The following CAT variants were observed in gnomAD, a reference collection of about 807,000 sequenced individuals.
CAT encodes the protein epididymis secretory sperm binding protein.
Under a neutral mutation model 59.0 loss-of-function variants are expected in CAT, and 43 were observed. That is an observed-to-expected ratio of 0.73 (90% CI 0.57 to 0.94). The LOEUF (loss-of-function observed/expected upper bound fraction) is 0.94. CAT is among the 40% of genes least tolerant of loss of function. The pLI is 0.00. For synonymous variants in CAT, 218 were observed against 230.9 expected (o/e 0.94, Z 0.51); for missense variants, 664 against 682.9 (o/e 0.97, Z 0.31).
chr11:34,463,081 C>A (rs1016434916), intron 9 of CAT, among the ~76,000 whole-genome samples: 36 of 152,142 alleles, frequency 2.4e-4, no homozygotes, highest in African/African-American at 8.0e-4. Flanking sequence ...TGTGGATAAT[C>A]TATTACGGCA....
chr11:34,449,052 C>A (rs1381857349), intron 1 of CAT, 140 bp from the exon 2 acceptor site: 1 of 744,102 alleles, frequency 1.3e-6, no homozygotes, highest in Non-Finnish European at 2.3e-6. Flanking sequence ...CCCATCCTGT[C>A]AGATTTTAGT....
chr11:34,444,200 A>AC, intron 1 of CAT, among the ~76,000 whole-genome samples: 1 of 152,136 alleles, frequency 6.6e-6, no homozygotes, highest in South Asian at 2.1e-4. Context: ...TACCCCTCAG[A>AC]CCCAGGGCTT....
rs1298808237 is a variant in CAT, at chr11:34,453,903, G to A, written c.688G>A (p.Val230Ile). ...GCTGGTTAATGCAAATGGGGAGGCA[G>A]TTTATTGCAAATTCCATTATAAGGT... ...FKLVNANGEA[V>I]YCKFHYKTDQ... Residue 230 changes from valine to isoleucine, a missense_variant, in exon 6 of 13, where the codon GTT becomes ATT. Physicochemically the swap from Val to Ile is conservative, Grantham distance 29. Transcript: ENST00000241052. 2.5e-6 allele frequency: 4 copies of A among 1,613,996 alleles called. No individual in the cohort carries two copies. The highest frequency in any genetic ancestry group is 3.4e-6 in the Non-Finnish European group (4 of 1,179,860).
intron 10 of CAT, among the ~76,000 whole-genome samples, chr11:34,467,366 T>C (rs1044308997): frequency 6.6e-6 from 1 of 152,192 alleles, no homozygotes; most frequent in Admixed American, 6.5e-5. Context: ...GTACTTTGAT[T>C]AGATTGTGTT....
chr11:34,451,981 TA>T (rs1253752607), intron 3 of CAT, 95 bp from the exon 4 acceptor site: 24 of 1,330,690 alleles, frequency 1.8e-5, no homozygotes, highest in Non-Finnish European at 2.6e-5. Flanking sequence ...GGAAGTGGAT[TA>T]GAAAGGATGG....
Position 34,456,752 on chromosome 11 carries a change from C to G in CAT, c.991C>G (p.Gln331Glu). 6.2e-7 allele frequency: 1 copy of G among 1,614,130 alleles called. No homozygotes were observed. Among genetic ancestry groups the G allele is most frequent in the South Asian group, 1.1e-5 (1 of 91,086 alleles). Residue 331 changes from glutamine to glutamate, a missense_variant, in exon 8 of 13, where the codon CAG becomes GAG. Coordinates refer to ENST00000241052, the MANE Select transcript of CAT (RefSeq NM_001752.4). ...NPVNYFAEVE[Q>E]IAFDPSNMPP... ...AGTTAATTACTTTGCTGAGGTTGAACAGATAGCCTTCGACCCAAGCAACAT... is the reference window on the plus strand; with the variant it reads ...AGTTAATTACTTTGCTGAGGTTGAAGAGATAGCCTTCGACCCAAGCAACAT...
At chr11:34,464,076 A>C in intron 9 of CAT, 29 bp from the exon 10 acceptor site, 2 of 1,613,600 alleles carry the variant, frequency 1.2e-6, no homozygotes, top group African/African-American at 1.3e-5. Flanking sequence ...TCTTATTCCT[A>C]AGTGCATCTG....
At chr11:34,455,317 AG>A (rs372191003) in intron 6 of CAT, among the ~76,000 whole-genome samples, 36 of 152,270 alleles carry the variant, frequency 2.4e-4, no homozygotes, top group African/African-American at 7.9e-4. Flanking sequence ...GCTTGTTGGG[AG>A]GTCTTTGAGA....
intron 8 of CAT, among the ~76,000 whole-genome samples, chr11:34,457,410 T>A (rs995964397): frequency 6.6e-6 from 1 of 152,012 alleles, no homozygotes; most frequent in Non-Finnish European, 1.5e-5. Flanking sequence ...TTTCACCCTG[T>A]TGGCCAGGCT....
chr11:34,470,107 A>C (rs968966073), intron 11 of CAT, among the ~76,000 whole-genome samples: 5 of 152,152 alleles, frequency 3.3e-5, no homozygotes, highest in African/African-American at 1.2e-4. Flanking sequence ...GTCATTTCCC[A>C]CTTTAGATAA....
chr11:34,460,514 T>C (rs1303857592), intron 8 of CAT, among the ~76,000 whole-genome samples: 4 of 149,538 alleles, frequency 2.7e-5, no homozygotes, highest in South Asian at 2.1e-4. Context: ...AGTGACACGA[T>C]TGCAGCTCAC....
rs964276907 is a variant in CAT, at chr11:34,438,979, C to T, written c.-35C>T. 7.7e-6 allele frequency: 12 copies of T among 1,553,162 alleles called. No individual in the cohort carries two copies. The highest frequency in any genetic ancestry group is 1.0e-5 in the Non-Finnish European group (12 of 1,144,478). ...GAGGGTGGAGACCCACGAGCCGAGG[C>T]CTCCTGCAGTGTTCTGCACAGCAAA... On this transcript the variant is annotated 5_prime_UTR_variant, in exon 1 of 13. Coordinates refer to ENST00000241052, the MANE Select transcript of CAT (RefSeq NM_001752.4).
intron 11 of CAT, 41 bp from the exon 12 acceptor site, chr11:34,470,917 G>C: frequency 6.8e-7 from 1 of 1,479,866 alleles, no homozygotes; most frequent in South Asian, 1.1e-5. Flanking sequence ...ATATAGTAGG[G>C]AGTTAGAGTA....
Position 34,461,311 on chromosome 11 carries a change from A to G in CAT, c.1117A>G (p.Ile373Val). 6.2e-7 allele frequency: 1 copy of G among 1,614,012 alleles called. No homozygotes were observed. Among genetic ancestry groups the G allele is most frequent in the South Asian group, 1.1e-5 (1 of 91,088 alleles). The change falls in exon 9 of 13, where the codon ATA becomes GTA. Residue 373 changes from isoleucine to valine, a missense_variant. By Grantham distance (29) the Ile-to-Val change is conservative. Transcript: ENST00000241052. ...TCGCCTGGGACCCAATTATCTTCATATACCTGTGAACTGTCCCTACCGTGC... is the reference window on the plus strand; with the variant it reads ...TCGCCTGGGACCCAATTATCTTCATGTACCTGTGAACTGTCCCTACCGTGC... ...RHRLGPNYLH[I>V]PVNCPYRARV...
At chr11:34,462,669 T>C (rs1396698985) in intron 9 of CAT, among the ~76,000 whole-genome samples, 4 of 152,114 alleles carry the variant, frequency 2.6e-5, no homozygotes, top group African/African-American at 4.8e-5. Flanking sequence ...CCACCCACTT[T>C]GGCCCCCCAA....
intron 1 of CAT, among the ~76,000 whole-genome samples, chr11:34,447,851 A>G (rs1856476858): frequency 6.6e-6 from 1 of 152,228 alleles, no homozygotes; most frequent in Admixed American, 6.5e-5. Flanking sequence ...AGACTCATAA[A>G]TAAGTAACTT....
Position 34,464,895 on chromosome 11 carries a change from AT to A in CAT, c.1326+662del, listed in dbSNP as rs551056891. Among the ~76,000 whole-genome samples the A allele has an allele frequency of 2.5e-3, 376 of 151,294 alleles. 3 individuals carry two copies. The highest frequency in any genetic ancestry group is 4.3e-3 in the Non-Finnish European group (292 of 67,874). On this transcript the variant is annotated intron_variant, in intron 10 of 12. Coordinates refer to ENST00000241052, the MANE Select transcript of CAT (RefSeq NM_001752.4). ...CTTCTCTCAACATGTCTATCTCTAG[AT>A]TCTAGAGAGATGGAATCCTATTGAC...
chr11:34,455,300 G>T (rs1856576488), intron 6 of CAT, among the ~76,000 whole-genome samples: 1 of 152,102 alleles, frequency 6.6e-6, no homozygotes, highest in East Asian at 1.9e-4. Flanking sequence ...TCTTTCTGCG[G>T]CACTTGGCTT....
intron 1 of CAT, among the ~76,000 whole-genome samples, chr11:34,441,838 G>T (rs1162002790): frequency 6.6e-6 from 1 of 152,150 alleles, no homozygotes; most frequent in African/African-American, 2.4e-5. Flanking sequence ...TCTTACATAA[G>T]TCTTTTTGTG....
Sources: allele counts gnomAD v4.1 joint callset (sites outside exome capture counted in the v4.1 genomes callset), GRCh38; gene constraint gnomAD v4.1.1; transcripts MANE v1.5; gene names NCBI Gene and HGNC (gene_info 2026-07-23, HGNC 2026-07-21).